Variants in FAM228A observed in about 807,000 individuals in gnomAD.
FAM228A encodes the protein protein FAM228A.
In FAM228A, 13 loss-of-function variants were observed where a neutral mutation model predicts 18.6. The ratio of observed to expected loss-of-function variants is 0.70; its 90% CI spans 0.45 to 1.11. FAM228A has a LOEUF of 1.11. FAM228A is among the 50% of genes least tolerant of loss of function. The probability of loss-of-function intolerance (pLI) is 0.00; values close to 1 mark genes in which losing one functional copy is unlikely to be tolerated. For missense variants in FAM228A, 240 were observed against 242.2 expected, an observed-to-expected ratio of 0.99 and a Z score of 0.06; for synonymous variants, 77 against 86.6, an observed-to-expected ratio of 0.89 and a Z score of 0.61.
chr2:24,176,125 C>T (rs1667685195), intron 2 of FAM228A: 1 of 984,822 alleles, frequency 1.0e-6, no homozygotes, highest in Non-Finnish European at 1.2e-6. Context: ...AAGACAAAAA[C>T]TGTTTAATTT....
At position 24,183,567 on chromosome 2, in the gene FAM228A, C is replaced by T. The variant is rs369812559; in HGVS notation, c.323C>T (p.Thr108Ile). 36 of 1,613,980 alleles carry T rather than the reference C, an allele frequency of 2.2e-5. No individual in the cohort carries two copies. Among genetic ancestry groups the T allele is most frequent in the Non-Finnish European group, 2.8e-5 (33 of 1,179,976 alleles). Residue 108 changes from threonine (T) to isoleucine (I), a missense_variant, in exon 5 of 6, where the codon ACT becomes ATT. Coordinates refer to ENST00000295150, the MANE Select transcript of FAM228A (RefSeq NM_001040710.3). ...ARLHASSPYFTFTSHCVIPKE... is the reference protein window; with the variant it reads ...ARLHASSPYFIFTSHCVIPKE... ...CTGCATGCCAGCTCGCCCTACTTCA[C>T]TTTCACTTCACACTGTGTGATTCCA...
intron 5 of FAM228A, chr2:24,188,316 A>T: frequency 2.5e-6 from 1 of 400,924 alleles, no homozygotes; most frequent in Non-Finnish European, 3.4e-6. Flanking sequence ...TTACACAGGT[A>T]AATGTTTGCC....
intron 5 of FAM228A, among the ~76,000 whole-genome samples, chr2:24,185,420 A>T (rs1667924307): frequency 6.6e-6 from 1 of 152,244 alleles, no homozygotes; most frequent in Non-Finnish European, 1.5e-5. Context: ...TTTTATAATT[A>T]GCTCAAGTTT....
chr2:24,191,135 G>A lies in FAM228A; in HGVS notation c.*504G>A, dbSNP rs1328512219. On this transcript the variant is annotated 3_prime_UTR_variant, in exon 6 of 6. Coordinates refer to ENST00000295150, the MANE Select transcript of FAM228A (RefSeq NM_001040710.3). ...TATGGATTTCTTATCCAGAGCTCAT[G>A]GTTCATTTGACACAGTTTTCAGCTC... is the stretch of plus-strand genomic sequence containing the variant. 2.0e-6 allele frequency: 2 copies of A among 985,464 alleles called. No individual in the cohort carries two copies. The highest frequency in any genetic ancestry group is 3.5e-5 in the African/African-American group (2 of 57,224). The allele number at this position is 985,464 out of a possible 1,614,324, so 61.0% of individuals were successfully genotyped here.
At chr2:24,186,017 T>A (rs1363820973) in intron 5 of FAM228A, among the ~76,000 whole-genome samples, 2 of 152,218 alleles carry the variant, frequency 1.3e-5, no homozygotes, top group African/African-American at 4.8e-5. Flanking sequence ...GGATTTTCTA[T>A]GTACACAATA....
rs145687379 is a variant in FAM228A at position 24,188,375 on chromosome 2, A to G, written c.402-2037A>G. 2.0e-4 allele frequency: 195 copies of G among 954,174 alleles called. No homozygotes were observed. In the African/African-American group the frequency reaches 3.2e-3, roughly 16 times the overall value. 59.1% of individuals were successfully genotyped at this position (954,174 alleles called of 1,614,324 possible). Reference sequence around the variant, plus strand: ...GTATTAAGCCCAGCATGCATTAGCTATTTTTCCTAATGCTCTCCCTTCCCC... The same window carrying G: ...GTATTAAGCCCAGCATGCATTAGCTGTTTTTCCTAATGCTCTCCCTTCCCC... On this transcript the variant is annotated intron_variant, in intron 5 of 5. Coordinates refer to ENST00000295150, the MANE Select transcript of FAM228A (RefSeq NM_001040710.3).
rs752562931 is a variant in FAM228A at position 24,190,673 on chromosome 2, C to T, written c.*42C>T. 7.3e-6 allele frequency: 11 copies of T among 1,501,868 alleles called. No individual in the cohort carries two copies. The highest frequency in any genetic ancestry group is 2.4e-5 in the Admixed American group (1 of 42,064). The allele number at this position is 1,501,868 out of a possible 1,614,324, so 93.0% of individuals were successfully genotyped here. On this transcript the variant is annotated 3_prime_UTR_variant, in exon 6 of 6. Coordinates refer to ENST00000295150, the MANE Select transcript of FAM228A (RefSeq NM_001040710.3). ...TCCCTGTCAGACAGGCACCCAAGGG[C>T]GGAGGAGGCATGGCCCAAGAAGAAG...
chr2:24,185,424 C>T lies in FAM228A; in HGVS notation c.401+1779C>T, dbSNP rs575063572. Among the ~76,000 whole-genome samples, 3 of 152,188 alleles carry T rather than the reference C, an allele frequency of 2.0e-5. No individual in the cohort carries two copies. In the South Asian group the frequency reaches 6.2e-4, roughly 32 times the overall value. On this transcript the variant is annotated intron_variant, in intron 5 of 5. Transcript: ENST00000295150. ...ACACCAATATATTTTATAATTAGCT[C>T]AAGTTTCATGTAGACATACACACAT... is the stretch of plus-strand genomic sequence containing the variant.
chr2:24,175,332 A>T (rs2151038611), intron 1 of FAM228A, 135 bp from the exon 2 acceptor site: 1 of 685,748 alleles, frequency 1.5e-6, no homozygotes, highest in Admixed American at 2.6e-5. Context: ...GGCGCCAAGG[A>T]TCCCAGTTTG....
intron 3 of FAM228A, among the ~76,000 whole-genome samples, chr2:24,181,336 A>G (rs1165313701): frequency 6.6e-6 from 1 of 152,220 alleles, no homozygotes; most frequent in Non-Finnish European, 1.5e-5. Flanking sequence ...GAAGGAAATT[A>G]TATGTGAAGA....
At chr2:24,185,775 A>T (rs1667933565) in intron 5 of FAM228A, among the ~76,000 whole-genome samples, 1 of 152,216 alleles carries the variant, frequency 6.6e-6, no homozygotes, top group South Asian at 2.1e-4. Flanking sequence ...ACAACAAAGA[A>T]TTACTCAGCC....
In FAM228A at chr2:24,191,303, C is replaced by CCA; in HGVS notation, c.*681_*682dup. On this transcript the variant is annotated 3_prime_UTR_variant, in exon 6 of 6. Coordinates refer to ENST00000295150, the MANE Select transcript of FAM228A (RefSeq NM_001040710.3). ...GACAGCGTCACTCCCACCCTCACCA[C>CCA]CACACACACAGGATGGGGGACTGCT... The CCA allele has an allele frequency of 1.0e-6, 1 of 985,668 alleles. No individual in the cohort carries two copies. Among genetic ancestry groups the CCA allele is most frequent in the Non-Finnish European group, 1.2e-6 (1 of 830,134 alleles). The allele number at this position is 985,668 out of a possible 1,614,324, so 61.1% of individuals were successfully genotyped here. A position where few individuals can be genotyped will look rare whatever the true frequency, so the allele number is the denominator to read the frequency against.
Position 24,190,689 on chromosome 2 carries a change from CAAG to C in FAM228A, c.*65_*67del, listed in dbSNP as rs369813713. Reference sequence around the variant, plus strand: ...ACCCAAGGGCGGAGGAGGCATGGCCCAAGAAGAAGGGTGTGAAGAGGAGGAGGG... The same window carrying C: ...ACCCAAGGGCGGAGGAGGCATGGCCCAAGAAGGGTGTGAAGAGGAGGAGGG... On this transcript the variant is annotated 3_prime_UTR_variant, in exon 6 of 6. Transcript: ENST00000295150. 543 of 1,485,300 alleles carry C rather than the reference CAAG, an allele frequency of 3.7e-4. 6 individuals are homozygous for C. In the East Asian group the frequency reaches 0.011, roughly 31 times the overall value. 92.0% of individuals were successfully genotyped at this position (1,485,300 alleles called of 1,614,324 possible). A position where few individuals can be genotyped will look rare whatever the true frequency, so the allele number is the denominator to read the frequency against.
intron 3 of FAM228A, among the ~76,000 whole-genome samples, chr2:24,179,627 C>G (rs1343226176): frequency 5.3e-5 from 8 of 152,174 alleles, no homozygotes; most frequent in Admixed American, 1.3e-4. Context: ...CTATTCTGTT[C>G]TGCTATCCTT....
intron 2 of FAM228A, 80 bp downstream of exon 2, chr2:24,175,653 T>C (rs1407363311): frequency 9.3e-7 from 1 of 1,078,446 alleles, no homozygotes; most frequent in Non-Finnish European, 1.4e-6. Context: ...TTAATTTCGC[T>C]TCTGTTCTCA....
At chr2:24,175,788 G>A in intron 2 of FAM228A, 2 of 853,184 alleles carry the variant, frequency 2.3e-6, no homozygotes, top group Admixed American at 3.2e-5. Context: ...CGACGGGGGC[G>A]GGCAGCCGGG....
rs1474565222 is a variant in FAM228A, at chr2:24,177,657, A to G, written c.94-145A>G. On this transcript the variant is annotated intron_variant, in intron 2 of 5. Transcript: ENST00000295150. ...AGCCTGGCTGACAAGTTCACAGAGA[A>G]TGGGTTTAGAAATTTTCCATATTTT... 9.6e-6 allele frequency: 5 copies of G among 518,832 alleles called. No individual in the cohort carries two copies. In the East Asian group the frequency reaches 1.6e-4, roughly 17 times the overall value. 32.1% of individuals were successfully genotyped at this position (518,832 alleles called of 1,614,324 possible).
chr2:24,189,775 T>C (rs1668036365), intron 5 of FAM228A, among the ~76,000 whole-genome samples: 1 of 152,112 alleles, frequency 6.6e-6, no homozygotes. Flanking sequence ...TGAGAGCACG[T>C]GGCGAGGTGA....
intron 2 of FAM228A, 29 bp from the exon 3 acceptor site, chr2:24,177,773 C>T (rs1460473559): frequency 6.2e-6 from 8 of 1,300,122 alleles, no homozygotes; most frequent in Non-Finnish European, 7.8e-6. Flanking sequence ...TCAGGATTCA[C>T]ATCTTAATAT....
Sources: allele counts gnomAD v4.1 joint callset (sites outside exome capture counted in the v4.1 genomes callset), GRCh38; gene constraint gnomAD v4.1.1; transcripts MANE v1.5; gene names NCBI Gene and HGNC (gene_info 2026-07-23, HGNC 2026-07-21).